Variants in PRKN observed in about 807,000 individuals in gnomAD.
PRKN encodes E3 ubiquitin-protein ligase parkin.
In PRKN, 56 loss-of-function variants were observed where a neutral mutation model predicts 59.5. That is an observed-to-expected ratio of 0.94 (90% CI 0.76 to 1.18). The LOEUF is 1.18. PRKN is among the 50% of genes most tolerant of loss of function. The pLI is 0.00. For synonymous variants in PRKN, 250 were observed against 222.1 expected (o/e 1.13, Z -1.12); for missense variants, 657 against 596.4 (o/e 1.10, Z -1.06).
intron 6 of PRKN, among the ~76,000 whole-genome samples, chr6:161,839,365 G>A (rs995314281): frequency 2.0e-5 from 3 of 151,974 alleles, no homozygotes; most frequent in African/African-American, 4.8e-5. Flanking sequence ...CGGGGGTCAC[G>A]GCTAGTAATA....
intron 2 of PRKN, among the ~76,000 whole-genome samples, chr6:162,336,018 C>T (rs549858256): frequency 6.6e-6 from 1 of 151,726 alleles, no homozygotes; most frequent in South Asian, 2.1e-4. Flanking sequence ...CCATCTCACA[C>T]TGGAATGCGT....
chr6:162,402,449 C>A (rs140936821), intron 2 of PRKN, among the ~76,000 whole-genome samples: 1 of 151,866 alleles, frequency 6.6e-6, no homozygotes, highest in African/African-American at 2.4e-5. Flanking sequence ...TACTCCCTCA[C>A]GGTAAAACAA....
At chr6:162,075,340 A>G (rs971557465) in intron 4 of PRKN, among the ~76,000 whole-genome samples, 10 of 151,390 alleles carry the variant, frequency 6.6e-5, no homozygotes, top group Non-Finnish European at 1.2e-4. Flanking sequence ...ATGCTCAGAT[A>G]CCATCATCAT....
chr6:162,018,284 C>CAA (rs1783005516), intron 5 of PRKN, among the ~76,000 whole-genome samples: 2 of 152,154 alleles, frequency 1.3e-5, no homozygotes, highest in African/African-American at 4.8e-5. Flanking sequence ...CCTCGGCCTC[C>CAA]CAAAGTGCTG....
intron 7 of PRKN, among the ~76,000 whole-genome samples, chr6:161,622,102 G>A (rs1164774747): frequency 6.6e-6 from 1 of 152,082 alleles, no homozygotes; most frequent in Non-Finnish European, 1.5e-5. Flanking sequence ...TTCCAAGGTG[G>A]TGACTGGGTC....
At chr6:162,111,143 G>A (rs561544892) in intron 4 of PRKN, among the ~76,000 whole-genome samples, 6 of 152,280 alleles carry the variant, frequency 3.9e-5, no homozygotes, top group Admixed American at 1.3e-4. Flanking sequence ...TACAGGCATG[G>A]TGATGGAACA....
intron 1 of PRKN, among the ~76,000 whole-genome samples, chr6:162,698,354 T>A (rs1778037811): frequency 6.6e-6 from 1 of 152,198 alleles, no homozygotes; most frequent in Non-Finnish European, 1.5e-5. Flanking sequence ...TTAATGAAAT[T>A]TAGGTGGGAG....
chr6:162,212,755 A>T (rs1407082159), intron 3 of PRKN, among the ~76,000 whole-genome samples: 1 of 152,214 alleles, frequency 6.6e-6, no homozygotes, highest in Non-Finnish European at 1.5e-5. Flanking sequence ...CACCTAGTAC[A>T]CAGCTGGGCC....
chr6:161,878,052 G>T (rs1333083857), intron 6 of PRKN, among the ~76,000 whole-genome samples: 1 of 152,116 alleles, frequency 6.6e-6, no homozygotes, highest in Non-Finnish European at 1.5e-5. Flanking sequence ...CTCTCTGCTG[G>T]CCAGTTTCTT....
At position 162,150,098 on chromosome 6, in the gene PRKN, G is replaced by A. The variant is rs543840894; in HGVS notation, c.534+51033C>T. Among the ~76,000 whole-genome samples, 5 of 152,204 alleles carry A rather than the reference G, an allele frequency of 3.3e-5. No homozygotes were observed. In the East Asian group the frequency reaches 7.7e-4, roughly 23 times the overall value. On this transcript the variant is annotated intron_variant, in intron 4 of 11. Transcript: ENST00000366898. The stretch of plus-strand genomic sequence containing the variant: ...AATAGGAATTTAATGACCTCATTTC[G>A]TAGTAATATTCCCAATACCAAACAC...
At chr6:162,113,066 C>A (rs527644373) in intron 4 of PRKN, among the ~76,000 whole-genome samples, 3 of 152,280 alleles carry the variant, frequency 2.0e-5, no homozygotes, top group Admixed American at 2.0e-4. Flanking sequence ...TCTTCAAGTT[C>A]ATGTTACACA....
intron 1 of PRKN, among the ~76,000 whole-genome samples, chr6:162,489,044 G>GA (rs993619317): frequency 6.6e-6 from 1 of 151,366 alleles, no homozygotes; most frequent in Non-Finnish European, 1.5e-5. Context: ...GGCACAGGGA[G>GA]AAAGGAGCAG....
chr6:162,633,127 G>A (rs1334099156), intron 1 of PRKN, among the ~76,000 whole-genome samples: 2 of 151,492 alleles, frequency 1.3e-5, no homozygotes, highest in Non-Finnish European at 2.9e-5. Flanking sequence ...AAATCACCAG[G>A]CTAAACCTTT....
chr6:162,011,100 A>G (rs200022493), intron 5 of PRKN, among the ~76,000 whole-genome samples: 15 of 3,188 alleles, frequency 4.7e-3, no homozygotes, highest in South Asian at 8.2e-3. Flanking sequence ...AATATATAAT[A>G]TATTTATAAT....
intron 7 of PRKN, among the ~76,000 whole-genome samples, chr6:161,620,189 A>G (rs1782846315): frequency 6.8e-6 from 1 of 147,072 alleles, no homozygotes; most frequent in Non-Finnish European, 1.5e-5. Flanking sequence ...TTTAGTAGAG[A>G]TGGGGTTTCA....
At chr6:161,836,216 G>T (rs1008084553) in intron 6 of PRKN, among the ~76,000 whole-genome samples, 2 of 152,124 alleles carry the variant, frequency 1.3e-5, no homozygotes, top group African/African-American at 4.8e-5. Flanking sequence ...GTATTCGCTT[G>T]CTTTCTTTTC....
At chr6:161,350,359 GA>G in intron 11 of PRKN, 148 bp from the exon 12 acceptor site, 1 of 646,462 alleles carries the variant, frequency 1.5e-6, no homozygotes, top group East Asian at 2.8e-5. Flanking sequence ...TAACTGAGGG[GA>G]AAAACTTCAT....
intron 1 of PRKN, among the ~76,000 whole-genome samples, chr6:162,443,878 T>C (rs750970733): frequency 6.6e-6 from 1 of 150,894 alleles, no homozygotes; most frequent in Non-Finnish European, 1.5e-5. Flanking sequence ...TAGGAGGCGA[T>C]GTGTTAGCAC....
intron 6 of PRKN, among the ~76,000 whole-genome samples, chr6:161,822,657 C>T (rs1011165498): frequency 1.3e-5 from 2 of 151,802 alleles, no homozygotes; most frequent in African/African-American, 4.8e-5. Flanking sequence ...GTCTGGGCAA[C>T]AGAGTGAAAC....
Sources: allele counts gnomAD v4.1 joint callset (sites outside exome capture counted in the v4.1 genomes callset), GRCh38; gene constraint gnomAD v4.1.1; transcripts MANE v1.5; gene names NCBI Gene and HGNC (gene_info 2026-07-23, HGNC 2026-07-21).